SNAP23: variants seen among roughly 807,000 people sequenced by gnomAD.
The protein encoded by SNAP23 is synaptosomal-associated protein 23.
A neutral mutation model predicts 29.0 loss-of-function variants in SNAP23; 11 were observed. The observed-to-expected ratio is 0.38, with a 90% CI of 0.24 to 0.63. The LOEUF (loss-of-function observed/expected upper bound fraction) is 0.63. Among genes scored for constraint, SNAP23 ranks in the 20% least tolerant of loss-of-function variants. The pLI, the probability that SNAP23 is intolerant of heterozygous loss-of-function variation, is 0.58. For missense variants in SNAP23, 220 were observed against 253.9 expected, an observed-to-expected ratio of 0.87 and a Z score of 0.91; for synonymous variants, 60 against 82.9, an observed-to-expected ratio of 0.72 and a Z score of 1.50.
At chr15:42,493,656 AT>A (rs1336331937), upstream of SNAP23, among the ~76,000 whole-genome samples, 1 of 152,026 alleles carries the variant, frequency 6.6e-6, no homozygotes, top group Non-Finnish European at 1.5e-5. Context: ...TGGTGAGTTC[AT>A]TTTTGCCCAT....
intron 4 of SNAP23, among the ~76,000 whole-genome samples, chr15:42,514,242 G>A (rs1312605545): frequency 6.6e-6 from 1 of 151,860 alleles, no homozygotes; most frequent in Non-Finnish European, 1.5e-5. Context: ...CCACGTTCAA[G>A]TGATTCTCCT....
chr15:42,500,746 T>C (rs566716297), intron 1 of SNAP23, among the ~76,000 whole-genome samples: 1 of 152,296 alleles, frequency 6.6e-6, no homozygotes, highest in South Asian at 2.1e-4. Context: ...AAGGATCCAG[T>C]GCCTCTAACA....
intron 1 of SNAP23, among the ~76,000 whole-genome samples, chr15:42,510,394 C>G (rs2057350765): frequency 6.6e-6 from 1 of 152,076 alleles, no homozygotes. Context: ...CCTCAGCCTC[C>G]CAAAGTGCTA....
chr15:42,519,335 A>G (rs368849407), intron 5 of SNAP23, among the ~76,000 whole-genome samples: 1 of 149,926 alleles, frequency 6.7e-6, no homozygotes, highest in Non-Finnish European at 1.5e-5. Context: ...GATTACAAGC[A>G]TGAGCCACCA....
upstream of SNAP23, among the ~76,000 whole-genome samples, chr15:42,492,514 C>CT (rs1448045538): frequency 2.0e-5 from 3 of 151,742 alleles, no homozygotes; most frequent in Admixed American, 2.0e-4. Context: ...CCCTTCTCTA[C>CT]TAAAAACACA....
upstream of SNAP23, among the ~76,000 whole-genome samples, chr15:42,492,310 A>C (rs2057174154): frequency 6.6e-6 from 1 of 152,166 alleles, no homozygotes; most frequent in South Asian, 2.1e-4. Flanking sequence ...TCAGGTTGAT[A>C]ATTATGTGGA....
intron 5 of SNAP23, among the ~76,000 whole-genome samples, chr15:42,526,836 T>C (rs1378993282): frequency 4.7e-5 from 7 of 148,770 alleles, no homozygotes; most frequent in Non-Finnish European, 1.0e-4. Context: ...CTTAGACTTA[T>C]GATTTTTTTT....
intron 1 of SNAP23, among the ~76,000 whole-genome samples, chr15:42,506,891 T>C (rs2057321180): frequency 6.6e-6 from 1 of 151,658 alleles, no homozygotes; most frequent in Non-Finnish European, 1.5e-5. Context: ...CCATCTCGGC[T>C]CACTGTACCC....
intron 2 of SNAP23, 113 bp downstream of exon 2, chr15:42,512,016 G>T: frequency 2.0e-6 from 1 of 509,368 alleles, no homozygotes; most frequent in Non-Finnish European, 3.5e-6. Flanking sequence ...TAATATCAAA[G>T]AACACATTTG....
chr15:42,523,717 G>T (rs950489002), intron 5 of SNAP23, among the ~76,000 whole-genome samples: 28 of 152,334 alleles, frequency 1.8e-4, no homozygotes, highest in African/African-American at 6.7e-4. Context: ...ACTGAAGTTT[G>T]CTCAAGATTC....
At chr15:42,514,724 C>T (rs533338767) in intron 4 of SNAP23, among the ~76,000 whole-genome samples, 12 of 132,608 alleles carry the variant, frequency 9.0e-5, no homozygotes, top group Non-Finnish European at 1.4e-4. Context: ...TTTTTTCGAG[C>T]GGGAGTCCCA....
intron 5 of SNAP23, 114 bp downstream of exon 5, chr15:42,515,468 T>C: frequency 1.5e-6 from 1 of 645,568 alleles, no homozygotes; most frequent in Non-Finnish European, 2.7e-6. Context: ...ATTAGATAAA[T>C]CTAAGTTGTC....
At chr15:42,519,748 C>T (rs2057428084) in intron 5 of SNAP23, among the ~76,000 whole-genome samples, 1 of 152,006 alleles carries the variant, frequency 6.6e-6, no homozygotes, top group African/African-American at 2.4e-5. Flanking sequence ...AGCAATCCTC[C>T]CACATTGGCC....
chr15:42,531,529 G>A lies in SNAP23; in HGVS notation c.*51G>A. The A allele has an allele frequency of 2.2e-6, 3 of 1,392,264 alleles. No homozygotes were observed. The highest frequency in any genetic ancestry group is 2.3e-5 in the East Asian group (1 of 42,816). The allele number at this position is 1,392,264 out of a possible 1,614,324, so 86.2% of individuals were successfully genotyped here. A position where few individuals can be genotyped will look rare whatever the true frequency, so the allele number is the denominator to read the frequency against. On this transcript the variant is annotated 3_prime_UTR_variant, in exon 8 of 8. Coordinates refer to ENST00000249647, the MANE Select transcript of SNAP23 (RefSeq NM_003825.4). ...TTATTCACTTCCGTAGCTCCTCCTTGAAAGTTATTACCTTTTCAGAGTTTA... is the reference window on the plus strand; with the variant it reads ...TTATTCACTTCCGTAGCTCCTCCTTAAAAGTTATTACCTTTTCAGAGTTTA...
chr15:42,503,410 C>A (rs1214951458), intron 1 of SNAP23, among the ~76,000 whole-genome samples: 1 of 150,212 alleles, frequency 6.7e-6, no homozygotes, highest in Non-Finnish European at 1.5e-5. Flanking sequence ...CACTCCGTTG[C>A]CCAGGCTGGA....
intron 1 of SNAP23, among the ~76,000 whole-genome samples, chr15:42,501,258 CATT>C (rs775048940): frequency 1.3e-5 from 2 of 152,226 alleles, no homozygotes; most frequent in African/African-American, 2.4e-5. Context: ...TACACACACA[CATT>C]ATATTCCTGC....
intron 2 of SNAP23, 25 bp downstream of exon 2, chr15:42,511,928 A>G: frequency 6.7e-7 from 1 of 1,500,654 alleles, no homozygotes; most frequent in South Asian, 1.2e-5. Context: ...TAAAATAAGT[A>G]AATAATTCTA....
intron 6 of SNAP23, 91 bp downstream of exon 6, chr15:42,528,511 CA>C (rs1381319408): frequency 3.3e-6 from 4 of 1,207,854 alleles, no homozygotes; most frequent in Non-Finnish European, 4.7e-6. Context: ...CCTAATAAAA[CA>C]AATAAAAATT....
chr15:42,493,785 C>T (rs761345299), upstream of SNAP23, among the ~76,000 whole-genome samples: 3 of 152,146 alleles, frequency 2.0e-5, no homozygotes, highest in African/African-American at 4.8e-5. Flanking sequence ...CCAATACCAC[C>T]TCCTTTTCTA....
Sources: allele counts gnomAD v4.1 joint callset (sites outside exome capture counted in the v4.1 genomes callset), GRCh38; gene constraint gnomAD v4.1.1; transcripts MANE v1.5; gene names NCBI Gene and HGNC (gene_info 2026-07-23, HGNC 2026-07-21).